The following CPEB3 variants were observed in gnomAD, a reference collection of about 807,000 sequenced individuals.
CPEB3 encodes the protein cytoplasmic polyadenylation element-binding protein 3.
CPEB3 carries 20 observed loss-of-function variants against 67.2 expected under a neutral mutation model. The observed-to-expected ratio is 0.30, with a 90% CI of 0.21 to 0.43. The LOEUF (loss-of-function observed/expected upper bound fraction) is 0.43. Among genes scored for constraint, CPEB3 ranks in the 20% least tolerant of loss-of-function variants. CPEB3 has a pLI of 1.00. For missense variants in CPEB3, 746 were observed against 968.6 expected, an observed-to-expected ratio of 0.77 and a Z score of 3.05; for synonymous variants, 376 against 393.1, an observed-to-expected ratio of 0.96 and a Z score of 0.51.
In CPEB3 at chr10:92,239,206, AC is replaced by A. The variant is rs1851686586; in HGVS notation, c.1005+139del. The A allele has an allele frequency of 1.1e-6, 1 of 882,560 alleles. No individual in the cohort carries two copies. Among genetic ancestry groups the A allele is most frequent in the African/African-American group, 1.7e-5 (1 of 59,318 alleles). 54.7% of individuals were successfully genotyped at this position (882,560 alleles called of 1,614,324 possible). A position where few individuals can be genotyped will look rare whatever the true frequency, so the allele number is the denominator to read the frequency against. On this transcript the variant is annotated intron_variant, in intron 2 of 9. Transcript: ENST00000265997. The surrounding 1 kb of genome is among the most constrained non-coding windows in gnomAD (Gnocchi z 6.0). Reference sequence around the variant, plus strand: ...TCTGATAATGGAACAGCCCTAAAGAACTGGAGGCTTCGGAAGGGGAAAGAGG... The same window carrying A: ...TCTGATAATGGAACAGCCCTAAAGAATGGAGGCTTCGGAAGGGGAAAGAGG...
At chr10:92,181,611 A>G (rs990796888) in intron 3 of CPEB3, among the ~76,000 whole-genome samples, 1 of 152,182 alleles carries the variant, frequency 6.6e-6, no homozygotes, top group Non-Finnish European at 1.5e-5. Context: ...TATAATGCTA[A>G]TCTCCACATG....
chr10:92,232,107 C>CA (rs2134572596), intron 2 of CPEB3, among the ~76,000 whole-genome samples: 1 of 150,348 alleles, frequency 6.7e-6, no homozygotes, highest in Admixed American at 6.7e-5. Context: ...GGCTGGAGGG[C>CA]AATAGCATGA....
At position 92,203,527 on chromosome 10, in the gene CPEB3, TA is replaced by T. The variant is rs371264965; in HGVS notation, c.1006-10892del. 2.2e-3 allele frequency among the ~76,000 whole-genome samples: 139 copies of T among 63,328 alleles called. 1 individual carries two copies. Among genetic ancestry groups the T allele is most frequent in the African/African-American group, 7.3e-3 (88 of 12,058 alleles). The allele number at this position is 63,328 out of a possible 152,430, so 41.5% of individuals were successfully genotyped here. ...GTGTGTGTATATATATATATATATA[TA>T]TTTTTTTTTTAGAGGTGTAGCTGGG... On this transcript the variant is annotated intron_variant, in intron 2 of 9. Coordinates refer to ENST00000265997, the MANE Select transcript of CPEB3 (RefSeq NM_014912.5).
At chr10:92,221,016 C>T (rs533464431) in intron 2 of CPEB3, among the ~76,000 whole-genome samples, 8 of 152,308 alleles carry the variant, frequency 5.3e-5, no homozygotes, top group Admixed American at 1.3e-4. Context: ...TTTTCCACTC[C>T]TTTCATTAGG....
chr10:92,136,519 G>A (rs550257001), intron 6 of CPEB3, among the ~76,000 whole-genome samples: 9 of 152,130 alleles, frequency 5.9e-5, no homozygotes, highest in Admixed American at 4.6e-4. Flanking sequence ...ATTTAAAAAC[G>A]GGCAAAAGAG....
chr10:92,284,637 G>A (rs1842449485), intron 1 of CPEB3, among the ~76,000 whole-genome samples: 1 of 151,980 alleles, frequency 6.6e-6, no homozygotes, highest in Non-Finnish European at 1.5e-5. Context: ...CACTACCTCA[G>A]AGAAACTTTC....
At chr10:92,087,670 T>TCA (rs572629883) in intron 8 of CPEB3, among the ~76,000 whole-genome samples, 484 of 152,254 alleles carry the variant, frequency 3.2e-3, no homozygotes, top group Non-Finnish European at 4.8e-3. Context: ...ACCACATACC[T>TCA]CACTCTCTAC....
chr10:92,148,226 G>A (rs1049205437), intron 4 of CPEB3, among the ~76,000 whole-genome samples: 4 of 152,156 alleles, frequency 2.6e-5, no homozygotes, highest in African/African-American at 9.6e-5. Context: ...CCCCTTCTAC[G>A]TCACAGTTGC....
chr10:92,092,307 CTTTGT>C (rs781454211), intron 7 of CPEB3, among the ~76,000 whole-genome samples: 8 of 152,162 alleles, frequency 5.3e-5, no homozygotes, highest in Non-Finnish European at 4.4e-5. Context: ...CAGTACACCA[CTTTGT>C]TTTAAGAGTT....
At chr10:92,275,784 C>T (rs1029801260) in intron 1 of CPEB3, among the ~76,000 whole-genome samples, 1 of 150,182 alleles carries the variant, frequency 6.7e-6, no homozygotes. Context: ...GCTCCTGTCA[C>T]ATAGCAAAAT....
chr10:92,177,393 T>C (rs1848269617), intron 4 of CPEB3, among the ~76,000 whole-genome samples: 1 of 152,182 alleles, frequency 6.6e-6, no homozygotes, highest in South Asian at 2.1e-4. Flanking sequence ...TTCTTCCCCC[T>C]ACCTCCCCTT....
At chr10:92,060,737 C>A (rs1467220125) in intron 9 of CPEB3, among the ~76,000 whole-genome samples, 1 of 152,170 alleles carries the variant, frequency 6.6e-6, no homozygotes, top group African/African-American at 2.4e-5. Flanking sequence ...AGAAGACATA[C>A]AGATGGCAAA....
chr10:92,121,674 A>AT (rs1227965490), intron 6 of CPEB3, among the ~76,000 whole-genome samples: 1 of 79,096 alleles, frequency 1.3e-5, no homozygotes, highest in Non-Finnish European at 2.8e-5. Context: ...CTACAAATGG[A>AT]AAAAAAAAAA....
In CPEB3 at chr10:92,157,464, G is replaced by C. The variant is rs1590260749; in HGVS notation, c.1223-12379C>G. 2.0e-5 allele frequency among the ~76,000 whole-genome samples: 3 copies of C among 152,194 alleles called. No homozygotes were observed. In the Middle Eastern group the frequency reaches 0.01, roughly 518 times the overall value. ...AATGAAAGTTGTATTATTTTGTTTG[G>C]GTGTGACCAGGAGAGAATGCAAGTT... On this transcript the variant is annotated intron_variant, in intron 4 of 9. Transcript: ENST00000265997.
chr10:92,270,878 C>T (rs868096615), intron 1 of CPEB3, among the ~76,000 whole-genome samples: 4 of 151,944 alleles, frequency 2.6e-5, no homozygotes, highest in African/African-American at 9.7e-5. Context: ...CCCTATTTTA[C>T]TTTTTAAAAA....
intron 7 of CPEB3, among the ~76,000 whole-genome samples, chr10:92,102,781 G>A (rs957167183): frequency 8.5e-5 from 13 of 152,118 alleles, no homozygotes; most frequent in Admixed American, 1.3e-4. Flanking sequence ...AAACATCTGC[G>A]TACTCTGCCC....
chr10:92,155,898 C>T (rs1847185746), intron 4 of CPEB3, among the ~76,000 whole-genome samples: 1 of 151,850 alleles, frequency 6.6e-6, no homozygotes, highest in Non-Finnish European at 1.5e-5. Context: ...CTATAGGCGA[C>T]TTTATATTCT....
intron 7 of CPEB3, among the ~76,000 whole-genome samples, chr10:92,104,780 C>T (rs924090099): frequency 3.9e-5 from 6 of 151,934 alleles, no homozygotes; most frequent in Admixed American, 2.6e-4. Flanking sequence ...CAGATTCAGA[C>T]ACCCAGGGCA....
intron 4 of CPEB3, among the ~76,000 whole-genome samples, chr10:92,163,205 C>T (rs560803638): frequency 2.2e-4 from 33 of 152,244 alleles, no homozygotes; most frequent in South Asian, 6.2e-4. Context: ...GAGGCCAAGG[C>T]GGGTGGATCA....
Sources: allele counts gnomAD v4.1 joint callset (sites outside exome capture counted in the v4.1 genomes callset), GRCh38; gene constraint gnomAD v4.1.1; non-coding constraint Gnocchi (gnomAD v3.1); transcripts MANE v1.5; gene names NCBI Gene and HGNC (gene_info 2026-07-23, HGNC 2026-07-21).